Variants in HEMK2 observed in about 807,000 individuals in gnomAD.
The protein encoded by HEMK2 is HemK methyltransferase 2, ETF1 glutamine and histone H4 lysine.
At chr21:28,653,193 C>A in the HEMK2 span, among the ~76,000 whole-genome samples, 1 of 148,960 alleles carries the variant, frequency 6.7e-6, no homozygotes, top group African/African-American at 2.6e-5. Flanking sequence ...AAAAATATTT[C>A]CTGGGTGAAG....
chr21:28,794,346 T>C, the HEMK2 span, among the ~76,000 whole-genome samples: 2 of 152,194 alleles, frequency 1.3e-5, no homozygotes. Context: ...AGATAGAACA[T>C]GAAGCAACAA....
At chr21:28,698,170 C>T in the HEMK2 span, among the ~76,000 whole-genome samples, 21 of 152,256 alleles carry the variant, frequency 1.4e-4, 1 homozygote, top group East Asian at 3.9e-3. Flanking sequence ...AGGAAACACA[C>T]GAAGATTCAG....
chr21:28,882,052 T>A, the HEMK2 span: 10 of 709,580 alleles, frequency 1.4e-5, no homozygotes, highest in South Asian at 3.8e-5. Flanking sequence ...TTGTACATGG[T>A]ATACTGCTTA....
chr21:28,579,774 A>AC, the HEMK2 span, among the ~76,000 whole-genome samples: 1 of 152,192 alleles, frequency 6.6e-6, no homozygotes, highest in Non-Finnish European at 1.5e-5. Context: ...CTTGCTCAGC[A>AC]ATGTTGAAAA....
At chr21:28,799,732 A>T in the HEMK2 span, among the ~76,000 whole-genome samples, 25 of 152,242 alleles carry the variant, frequency 1.6e-4, no homozygotes, top group African/African-American at 5.5e-4. Context: ...GAGATTTTCA[A>T]AAATGTTCCC....
chr21:28,750,632 T>C, the HEMK2 span, among the ~76,000 whole-genome samples: 2 of 137,218 alleles, frequency 1.5e-5, no homozygotes, highest in African/African-American at 5.7e-5. Flanking sequence ...ACCCAGGAGG[T>C]AGAGGTTGCA....
chr21:28,836,377 C>T, the HEMK2 span, among the ~76,000 whole-genome samples: 2 of 151,980 alleles, frequency 1.3e-5, no homozygotes, highest in Non-Finnish European at 2.9e-5. Flanking sequence ...ATTCTGTATC[C>T]AGAAAAACTA....
chr21:28,628,070 T>A, the HEMK2 span, among the ~76,000 whole-genome samples: 1 of 152,202 alleles, frequency 6.6e-6, no homozygotes, highest in Non-Finnish European at 1.5e-5. Flanking sequence ...TTTCAATAAA[T>A]CTCTGCTTTT....
At chr21:28,775,016 G>T in the HEMK2 span, among the ~76,000 whole-genome samples, 8 of 152,122 alleles carry the variant, frequency 5.3e-5, no homozygotes, top group African/African-American at 1.9e-4. Context: ...CCTTCAAAAT[G>T]GAAAAATTTA....
At chr21:28,727,501 T>C in the HEMK2 span, among the ~76,000 whole-genome samples, 9 of 152,190 alleles carry the variant, frequency 5.9e-5, no homozygotes, top group Non-Finnish European at 1.0e-4. Flanking sequence ...AAAAATACAT[T>C]AGCTAACCTT....
the HEMK2 span, among the ~76,000 whole-genome samples, chr21:28,804,015 A>G: frequency 6.6e-6 from 1 of 152,260 alleles, no homozygotes; most frequent in East Asian, 1.9e-4. Flanking sequence ...TGACTGTAGC[A>G]TATTCCTCAG....
chr21:28,876,568 A>G, the HEMK2 span: 1 of 815,632 alleles, frequency 1.2e-6, no homozygotes, highest in Non-Finnish European at 1.9e-6. Context: ...TTAATAAGTT[A>G]AACACAGATG....
At chr21:28,605,805 A>G in the HEMK2 span, among the ~76,000 whole-genome samples, 2 of 152,190 alleles carry the variant, frequency 1.3e-5, no homozygotes, top group Admixed American at 6.5e-5. Flanking sequence ...TGAAAAATTT[A>G]ATATACTTTA....
the HEMK2 span, chr21:28,878,261 G>GA: frequency 1.9e-6 from 3 of 1,608,900 alleles, no homozygotes; most frequent in Admixed American, 1.7e-5. Flanking sequence ...GGAACCAGGG[G>GA]AAAAAACCTG....
At chr21:28,885,144 C>G in the HEMK2 span, 1 of 1,459,944 alleles carries the variant, frequency 6.8e-7, no homozygotes, top group Non-Finnish European at 9.2e-7. Flanking sequence ...ACCGTTCCGG[C>G]CCTCCTCCAC....
chr21:28,696,938 C>A, the HEMK2 span, among the ~76,000 whole-genome samples: 1 of 152,192 alleles, frequency 6.6e-6, no homozygotes, highest in Admixed American at 6.5e-5. Context: ...GGAACTGAGG[C>A]AGCTGGGACA....
At chr21:28,680,006 C>A in the HEMK2 span, among the ~76,000 whole-genome samples, 1 of 151,980 alleles carries the variant, frequency 6.6e-6, no homozygotes, top group African/African-American at 2.4e-5. Context: ...GAAGCAAGGG[C>A]AAACACATTC....
chr21:28,818,300 C>T, the HEMK2 span, among the ~76,000 whole-genome samples: 7 of 152,146 alleles, frequency 4.6e-5, no homozygotes, highest in African/African-American at 1.7e-4. Flanking sequence ...GACCTTTGAC[C>T]ACAGACTGAA....
the HEMK2 span, among the ~76,000 whole-genome samples, chr21:28,635,246 G>A: frequency 6.6e-6 from 1 of 151,920 alleles, no homozygotes; most frequent in Non-Finnish European, 1.5e-5. Context: ...GGCATTACGG[G>A]TGCCTGCCAC....
Sources: gnomAD v4.1 joint callset for allele counts (sites outside exome capture counted in the v4.1 genomes callset) on GRCh38, gnomAD v4.1.1 for gene constraint, MANE v1.5 for transcripts, NCBI Gene and HGNC (gene_info 2026-07-23, HGNC 2026-07-21) for gene names.